CACNB4: variants seen among roughly 807,000 people sequenced by gnomAD.
The protein encoded by CACNB4 is calcium voltage-gated channel auxiliary subunit beta 4.
Under a neutral mutation model 71.2 loss-of-function variants are expected in CACNB4, and 32 were observed. The ratio of observed to expected loss-of-function variants is 0.45; its 90% CI spans 0.34 to 0.60. The LOEUF is 0.60. CACNB4 is among the 20% of genes least tolerant of loss of function. The pLI is 0.01. For synonymous variants in CACNB4, 231 were observed against 236.9 expected (o/e 0.97, Z 0.23); for missense variants, 464 against 647.9 (o/e 0.72, Z 3.08).
intron 2 of CACNB4, among the ~76,000 whole-genome samples, chr2:152,083,514 C>T (rs1308868835): frequency 6.6e-6 from 1 of 152,256 alleles, no homozygotes; most frequent in South Asian, 2.1e-4. Flanking sequence ...ACCACAATAA[C>T]GGGTGCTAAA....
intron 2 of CACNB4, among the ~76,000 whole-genome samples, chr2:152,042,862 G>T (rs1460161912): frequency 1.3e-5 from 2 of 152,098 alleles, no homozygotes; most frequent in Non-Finnish European, 2.9e-5. Context: ...AGGTCACAAA[G>T]ACCTTGCTGA....
At chr2:151,845,229 G>A (rs1406857621) in intron 12 of CACNB4, among the ~76,000 whole-genome samples, 1 of 152,204 alleles carries the variant, frequency 6.6e-6, no homozygotes, top group Non-Finnish European at 1.5e-5. Context: ...ATAAGCCTCA[G>A]TCATTTCTAG....
At chr2:151,897,836 T>A (rs770397162) in intron 2 of CACNB4, among the ~76,000 whole-genome samples, 1 of 152,224 alleles carries the variant, frequency 6.6e-6, no homozygotes, top group East Asian at 1.9e-4. Flanking sequence ...ATGAAGATTA[T>A]GCACTCAGAA....
intron 2 of CACNB4, among the ~76,000 whole-genome samples, chr2:151,998,440 T>G (rs1682200305): frequency 6.6e-6 from 1 of 152,180 alleles, no homozygotes; most frequent in African/African-American, 2.4e-5. Context: ...TTCCTTACTC[T>G]GCTACATGTT....
At chr2:151,887,775 T>A (rs2099849738) in intron 2 of CACNB4, among the ~76,000 whole-genome samples, 1 of 152,190 alleles carries the variant, frequency 6.6e-6, no homozygotes. Context: ...ATGTATACCT[T>A]GTAGAGTTTC....
intron 2 of CACNB4, among the ~76,000 whole-genome samples, chr2:151,950,546 A>G (rs2099866665): frequency 6.6e-6 from 1 of 152,220 alleles, no homozygotes; most frequent in Non-Finnish European, 1.5e-5. Context: ...CACTATTCAC[A>G]ATCACCAAAA....
At chr2:151,860,994 A>G (rs1453374735) in intron 9 of CACNB4, 174 bp from the exon 10 acceptor site, 1 of 583,456 alleles carries the variant, frequency 1.7e-6, no homozygotes, top group Non-Finnish European at 3.0e-6. Flanking sequence ...GAATGCAAGC[A>G]GAGCAGAATG....
intron 2 of CACNB4, among the ~76,000 whole-genome samples, chr2:152,090,397 T>C (rs1300592830): frequency 6.6e-6 from 1 of 152,216 alleles, no homozygotes; most frequent in East Asian, 1.9e-4. Context: ...CTCATGCCTA[T>C]AATCCCAGCA....
At chr2:151,994,382 T>G (rs2151767397) in intron 2 of CACNB4, among the ~76,000 whole-genome samples, 1 of 152,054 alleles carries the variant, frequency 6.6e-6, no homozygotes. Context: ...TCATTTTGTA[T>G]TTTTAGTAGA....
chr2:151,997,641 G>T (rs1469847383), intron 2 of CACNB4, among the ~76,000 whole-genome samples: 9 of 152,172 alleles, frequency 5.9e-5, no homozygotes, highest in African/African-American at 1.4e-4. Context: ...AGAAGTCACG[G>T]AATGCTAACG....
At chr2:151,926,830 T>C (rs2099860364) in intron 2 of CACNB4, among the ~76,000 whole-genome samples, 1 of 152,236 alleles carries the variant, frequency 6.6e-6, no homozygotes. Flanking sequence ...AAACTTCTTA[T>C]ACTGAAGAGT....
chr2:151,857,123 T>C (rs961818827), intron 10 of CACNB4: 3 of 150,260 alleles, frequency 2.0e-5, no homozygotes, highest in Admixed American at 6.6e-5. Flanking sequence ...CAAGTTCACA[T>C]AGCCCACCAA....
At chr2:151,889,209 C>A (rs546394028) in intron 2 of CACNB4, among the ~76,000 whole-genome samples, 21 of 152,220 alleles carry the variant, frequency 1.4e-4, no homozygotes, top group African/African-American at 4.6e-4. Flanking sequence ...TGGCTCATGC[C>A]TGTAATCCCA....
chr2:151,924,120 C>G (rs1214727799), intron 2 of CACNB4, among the ~76,000 whole-genome samples: 1 of 136,032 alleles, frequency 7.4e-6, no homozygotes, highest in Non-Finnish European at 1.5e-5. Flanking sequence ...GCTCTGTCGC[C>G]CAGGCTGGAG....
At chr2:152,015,672 C>T (rs1386551113) in intron 2 of CACNB4, among the ~76,000 whole-genome samples, 3 of 152,192 alleles carry the variant, frequency 2.0e-5, no homozygotes, top group Admixed American at 6.5e-5. Flanking sequence ...CTCCCTTTGC[C>T]GGGCAGTGTT....
At chr2:151,936,286 CTG>C (rs2099862896) in intron 2 of CACNB4, 1 of 152,178 alleles carries the variant, frequency 6.6e-6, no homozygotes, top group South Asian at 2.1e-4. Context: ...GCAGCCAACT[CTG>C]TTTATTACAC....
chr2:152,050,324 A>G (rs1324163086), intron 2 of CACNB4, among the ~76,000 whole-genome samples: 1 of 152,210 alleles, frequency 6.6e-6, no homozygotes, highest in Non-Finnish European at 1.5e-5. Context: ...TCTAAAAGAG[A>G]GCTCTTTGGA....
intron 12 of CACNB4, among the ~76,000 whole-genome samples, chr2:151,843,974 AAAG>A (rs1354701154): frequency 6.6e-6 from 1 of 152,222 alleles, no homozygotes; most frequent in African/African-American, 2.4e-5. Context: ...AAGACTAGGA[AAAG>A]AATAAGATGA....
At chr2:151,859,764 T>G (rs1374327081) in intron 10 of CACNB4, 2 of 152,244 alleles carry the variant, frequency 1.3e-5, no homozygotes, top group African/African-American at 4.8e-5. Context: ...AATTATCACA[T>G]GCCAATCCCA....
Sources: allele counts gnomAD v4.1 joint callset (sites outside exome capture counted in the v4.1 genomes callset), GRCh38; gene constraint gnomAD v4.1.1; transcripts MANE v1.5; gene names NCBI Gene and HGNC (gene_info 2026-07-23, HGNC 2026-07-21).